POLR3E: variants seen among roughly 807,000 people sequenced by gnomAD.
POLR3E encodes the protein DNA-directed RNA polymerase III subunit RPC5.
Under a neutral mutation model 96.6 loss-of-function variants are expected in POLR3E, and 41 were observed. The ratio of observed to expected loss-of-function variants is 0.42; its 90% CI spans 0.33 to 0.55. The LOEUF (loss-of-function observed/expected upper bound fraction) is 0.55. Ranked by LOEUF, POLR3E falls within the 20% of genes least tolerant of loss-of-function variation. POLR3E has a pLI of 0.06. For synonymous variants in POLR3E, 396 were observed against 383.6 expected, an observed-to-expected ratio of 1.03 and a Z score of -0.38; for missense variants, 849 against 952.1, an observed-to-expected ratio of 0.89 and a Z score of 1.43.
At chr16:22,307,126 G>A (rs917639461) in intron 3 of POLR3E, among the ~76,000 whole-genome samples, 15 of 152,160 alleles carry the variant, frequency 9.9e-5, no homozygotes, top group South Asian at 4.1e-4. Context: ...TGCTCACAGC[G>A]GCCTTGGGAG....
intron 12 of POLR3E, among the ~76,000 whole-genome samples, chr16:22,317,804 G>A (rs770165977): frequency 4.6e-5 from 7 of 151,718 alleles, no homozygotes; most frequent in African/African-American, 1.2e-4. Flanking sequence ...TCACTGCACC[G>A]GCTCAACTAG....
At chr16:22,301,633 A>T (rs191194536) in intron 1 of POLR3E, among the ~76,000 whole-genome samples, 103 of 149,810 alleles carry the variant, frequency 6.9e-4, no homozygotes, top group Non-Finnish European at 1.2e-3. Flanking sequence ...GACAAAAATC[A>T]TGCTGGTCTC....
At position 22,313,752 on chromosome 16, in the gene POLR3E, C is replaced by T; in HGVS notation, c.472+25C>T. On this transcript the variant is annotated intron_variant, in intron 7 of 20. Transcript: ENST00000299853. The surrounding 1 kb of genome is among the most constrained non-coding windows in gnomAD (Gnocchi z 4.1). ...GGTGAGCCCGGGATCCCCAGCCCTG[C>T]TGCCTGCCTGCCTTCATCCTGGTGG... The T allele has an allele frequency of 6.9e-7, 1 of 1,443,526 alleles. No individual in the cohort carries two copies. Among genetic ancestry groups the T allele is most frequent in the Non-Finnish European group, 9.7e-7 (1 of 1,029,988 alleles). The allele number at this position is 1,443,526 out of a possible 1,614,324, so 89.4% of individuals were successfully genotyped here.
intron 2 of POLR3E, among the ~76,000 whole-genome samples, chr16:22,303,208 A>G (rs1219207669): frequency 6.6e-6 from 1 of 151,402 alleles, no homozygotes; most frequent in Non-Finnish European, 1.5e-5. Flanking sequence ...ATCTGGCATC[A>G]CCTCATCAGG....
At chr16:22,332,227 G>A (rs1337769748) in intron 20 of POLR3E, 42 bp downstream of exon 20, 2 of 1,590,394 alleles carry the variant, frequency 1.3e-6, no homozygotes, top group East Asian at 4.5e-5. Context: ...CAAAGGCTCT[G>A]GAAGGGGCTG....
chr16:22,298,641 G>A (rs753000240), intron 1 of POLR3E, among the ~76,000 whole-genome samples: 6 of 152,158 alleles, frequency 3.9e-5, no homozygotes, highest in Non-Finnish European at 7.4e-5. Flanking sequence ...AAACCGTGCA[G>A]TATAGTGGTT....
At chr16:22,330,087 GTCTTGC>G (rs537637606) in intron 19 of POLR3E, among the ~76,000 whole-genome samples, 99 of 149,992 alleles carry the variant, frequency 6.6e-4, no homozygotes, top group South Asian at 1.7e-3. Context: ...GATAGATAGC[GTCTTGC>G]TCTTGCTCTT....
chr16:22,322,964 G>C lies in POLR3E; in HGVS notation c.1068+33G>C, dbSNP rs1287392213. On this transcript the variant is annotated intron_variant, in intron 14 of 20. Coordinates refer to ENST00000299853, the MANE Select transcript of POLR3E (RefSeq NM_018119.4). The surrounding 1 kb of genome is among the most constrained non-coding windows in gnomAD (Gnocchi z 5.2). ...CCTTGGGTTCTCTGGACTCACGGTG[G>C]GGGCGTGGGAAGAGGGGGGCAGCGG... 11 of 1,484,312 alleles carry C rather than the reference G, an allele frequency of 7.4e-6. No individual in the cohort carries two copies. Among genetic ancestry groups the C allele is most frequent in the Non-Finnish European group, 9.4e-6 (10 of 1,068,932 alleles). The allele number at this position is 1,484,312 out of a possible 1,614,324, so 91.9% of individuals were successfully genotyped here. A position where few individuals can be genotyped will look rare whatever the true frequency, so the allele number is the denominator to read the frequency against.
chr16:22,317,085 C>T (rs2048371712), intron 11 of POLR3E, 30 bp from the exon 12 acceptor site: 2 of 1,613,528 alleles, frequency 1.2e-6, no homozygotes, highest in Non-Finnish European at 1.7e-6. Context: ...GGGCTGGCTG[C>T]CTCTAACCCG....
At chr16:22,320,136 ATATC>A (rs1463162873) in intron 13 of POLR3E, among the ~76,000 whole-genome samples, 12 of 152,292 alleles carry the variant, frequency 7.9e-5, no homozygotes, top group African/African-American at 2.9e-4. Context: ...AGAATATTTT[ATATC>A]TATCCTCATA....
chr16:22,310,033 T>G, intron 6 of POLR3E: 1 of 162,504 alleles, frequency 6.2e-6, no homozygotes, highest in Non-Finnish European at 1.4e-5. Context: ...TGGAAAAGAA[T>G]GAAGCAGTGA....
chr16:22,316,875 G>A, intron 10 of POLR3E, 120 bp from the exon 11 acceptor site: 2 of 1,136,460 alleles, frequency 1.8e-6, no homozygotes, highest in Non-Finnish European at 2.7e-6. Context: ...GCTCAGGGCT[G>A]CTGGGGGAGG....
chr16:22,308,153 T>C lies in POLR3E; in HGVS notation c.93T>C (p.Pro31=). 3 of 1,612,936 alleles carry C rather than the reference T, an allele frequency of 1.9e-6. No homozygotes were observed. Among genetic ancestry groups the C allele is most frequent in the South Asian group, 2.2e-5 (2 of 91,066 alleles). The change falls in exon 4 of 21, where the codon CCT becomes CCC. Residue 31 remains proline, a synonymous_variant. Transcript: ENST00000299853. ...GGCTCCCTTCCCCTCCCCAGTACCC[T>C]GTGCGTCCAGCCTCGATGACCTACG... The part of the protein sequence containing the change: ...LAEKLYLFQY[P]VRPASMTYDD...
In POLR3E at chr16:22,313,753, T is replaced by TGCCTGCCTGCC; in HGVS notation, c.472+27_472+37dup. On this transcript the variant is annotated intron_variant, in intron 7 of 20. Transcript: ENST00000299853. This position sits in a 1 kb window ranked among gnomAD's most constrained non-coding sequence, Gnocchi z 4.1. ...GTGAGCCCGGGATCCCCAGCCCTGC[T>TGCCTGCCTGCC]GCCTGCCTGCCTTCATCCTGGTGGG... The TGCCTGCCTGCC allele has an allele frequency of 6.9e-7, 1 of 1,447,508 alleles. No individual in the cohort carries two copies. Among genetic ancestry groups the TGCCTGCCTGCC allele is most frequent in the Non-Finnish European group, 9.7e-7 (1 of 1,033,418 alleles). 89.7% of individuals were successfully genotyped at this position (1,447,508 alleles called of 1,614,324 possible).
chr16:22,304,107 G>C (rs558275693), intron 2 of POLR3E, among the ~76,000 whole-genome samples: 7 of 152,164 alleles, frequency 4.6e-5, no homozygotes, highest in Non-Finnish European at 1.5e-5. Flanking sequence ...CACCATGGCC[G>C]GCACAGGTTT....
At position 22,313,639 on chromosome 16, in the gene POLR3E, T is replaced by C; in HGVS notation, c.384T>C (p.Pro128=). Residue 128 remains proline (P), a synonymous_variant, in exon 7 of 21, where the codon CCT becomes CCC. Transcript: ENST00000299853. The surrounding 1 kb of genome is among the most constrained non-coding windows in gnomAD (Gnocchi z 4.1). ...LYRQGELHLT[P]LHGILQLRPS... The stretch of plus-strand genomic sequence containing the variant: ...CGCCAGGTGAGCTCCACCTGACACC[T>C]TTACATGGCATCCTGCAGCTGCGGC... 6.2e-7 allele frequency: 1 copy of C among 1,613,562 alleles called. No homozygotes were observed. The highest frequency in any genetic ancestry group is 8.5e-7 in the Non-Finnish European group (1 of 1,179,540).
At chr16:22,317,665 G>GTTGT (rs1555482952) in intron 12 of POLR3E, among the ~76,000 whole-genome samples, 3 of 140,838 alleles carry the variant, frequency 2.1e-5, no homozygotes, top group African/African-American at 5.4e-5. Context: ...TGTTGTTGTT[G>GTTGT]TTTTTTTTTT....
chr16:22,322,816 G>A lies in POLR3E; in HGVS notation c.987-34G>A. On this transcript the variant is annotated intron_variant, in intron 13 of 20. Transcript: ENST00000299853. This position sits in a 1 kb window ranked among gnomAD's most constrained non-coding sequence, Gnocchi z 5.2. ...GTAGCGGTAGAGGGGGCTCAGGGCA[G>A]GGACTGACCTGCCATCCTCACCTGC... is the stretch of plus-strand genomic sequence containing the variant. 1 of 1,501,574 alleles carries A rather than the reference G, an allele frequency of 6.7e-7. No homozygotes were observed. The highest frequency in any genetic ancestry group is 1.4e-5 in the African/African-American group (1 of 72,786). The allele number at this position is 1,501,574 out of a possible 1,614,324, so 93.0% of individuals were successfully genotyped here.
In POLR3E at chr16:22,297,549, C is replaced by T. The variant is rs1406136534; in HGVS notation, c.-39+12C>T. The T allele has an allele frequency of 6.6e-6, 1 of 152,434 alleles. No individual in the cohort carries two copies. The highest frequency in any genetic ancestry group is 1.5e-5 in the Non-Finnish European group (1 of 68,192). The allele number at this position is 152,434 out of a possible 1,614,324, so 9.4% of individuals were successfully genotyped here. A position where few individuals can be genotyped will look rare whatever the true frequency, so the allele number is the denominator to read the frequency against. On this transcript the variant is annotated intron_variant, in intron 1 of 20. Coordinates refer to ENST00000299853, the MANE Select transcript of POLR3E (RefSeq NM_018119.4). ...GCCCCCGCGGAGAGGTGAGTCCCGT[C>T]TTGGCAGTGCCCGAGCTGGGGCTTG... is the stretch of plus-strand genomic sequence containing the variant.
Sources: allele counts gnomAD v4.1 joint callset (sites outside exome capture counted in the v4.1 genomes callset), GRCh38; gene constraint gnomAD v4.1.1; non-coding constraint Gnocchi (gnomAD v3.1); transcripts MANE v1.5; gene names NCBI Gene and HGNC (gene_info 2026-07-23, HGNC 2026-07-21).